CFHR4: variants seen among roughly 807,000 people sequenced by gnomAD.
CFHR4 encodes complement factor H-related protein 4.
CFHR4 carries 64 observed loss-of-function variants against 69.3 expected under a neutral mutation model. The ratio of observed to expected loss-of-function variants is 0.92; its 90% CI spans 0.76 to 1.14. The LOEUF is 1.14. Among genes scored for constraint, CFHR4 ranks in the 50% most tolerant of loss-of-function variants. The pLI is 0.00. For missense variants in CFHR4, 636 were observed against 684.9 expected, an observed-to-expected ratio of 0.93 and a Z score of 0.80; for synonymous variants, 244 against 237.0, an observed-to-expected ratio of 1.03 and a Z score of -0.27.
At chr1:196,908,487 A>C (rs1446044869) in intron 5 of CFHR4, among the ~76,000 whole-genome samples, 1 of 151,348 alleles carries the variant, frequency 6.6e-6, no homozygotes, top group African/African-American at 2.4e-5. Context: ...TCCAAATGCC[A>C]ATGCTTTCTG....
intron 1 of CFHR4, among the ~76,000 whole-genome samples, chr1:196,894,553 T>C: frequency 6.6e-6 from 1 of 151,514 alleles, no homozygotes; most frequent in East Asian, 1.9e-4. Flanking sequence ...TCCTTCACTT[T>C]TGAAGGACAC....
chr1:196,908,274 T>C (rs1658024501), intron 5 of CFHR4, among the ~76,000 whole-genome samples: 1 of 151,374 alleles, frequency 6.6e-6, no homozygotes, highest in Admixed American at 6.6e-5. Flanking sequence ...AAACTGCATG[T>C]CCTGCACATG....
Position 196,918,102 on chromosome 1 carries a change from G to T in CFHR4, c.1541-108G>T, listed in dbSNP as rs552301944. The T allele has an allele frequency of 4.1e-5, 48 of 1,168,678 alleles. 1 individual carries two copies. The African/African-American group carries it at 7.1e-4, about 17-fold the overall frequency. The allele number at this position is 1,168,678 out of a possible 1,614,324, so 72.4% of individuals were successfully genotyped here. On this transcript the variant is annotated intron_variant, in intron 9 of 9. Coordinates refer to ENST00000608469, the MANE Select transcript of CFHR4 (RefSeq NM_001201550.3). ...ACAAATTAATAACTATTAACTATTT[G>T]GATTATTTTATAATTTTATTTTATC...
chr1:196,892,158 C>G (rs750291076), intron 1 of CFHR4, among the ~76,000 whole-genome samples: 8 of 151,422 alleles, frequency 5.3e-5, no homozygotes, highest in Non-Finnish European at 8.8e-5. Context: ...GCCGAAGAGA[C>G]CATACTACGT....
rs80010185 is a variant in CFHR4 at position 196,918,350 on chromosome 1, C to A, written c.1681C>A (p.Leu561Ile). The change falls in exon 10 of 10, where the codon CTA becomes ATA. Residue 561 changes from leucine (L) to isoleucine (I), a missense_variant. Around this residue, in one of 3 missense-constraint regions of CFHR4, gnomAD observed 85 missense variants for 79.0 expected, o/e 1.08. Coordinates refer to ENST00000608469, the MANE Select transcript of CFHR4 (RefSeq NM_001201550.3). The stretch of plus-strand genomic sequence containing the variant: ...GGGATATAATGCGAATACATCAGTT[C>A]TATCATTTCAAGCAGTGTGTAGGGA... ...KLGYNANTSV[L>I]SFQAVCREGI... 3.1e-4 allele frequency: 494 copies of A among 1,612,114 alleles called. 19 individuals are homozygous for A. In the African/African-American group the frequency reaches 5.8e-3, roughly 19 times the overall value.
Position 196,918,217 on chromosome 1 carries a change from T to A in CFHR4, c.1548T>A (p.Cys516Ter), listed in dbSNP as rs773482727. ...TTCTTTTTCTGCTTTCAGATCCATG[T>A]ATAATAACTGAAGAAAACATGAATA... The part of the protein sequence containing the change: ...WSEPPRCIHP[C>*]IITEENMNKN... Residue 516 changes from cysteine (C) to a stop codon, truncating the protein, a stop_gained, in exon 10 of 10, where the codon TGT (cysteine) becomes TGA (stop). Coordinates refer to ENST00000608469, the MANE Select transcript of CFHR4 (RefSeq NM_001201550.3). LOFTEE classifies it low-confidence loss of function (END_TRUNC). 1 of 1,603,498 alleles carries A rather than the reference T, an allele frequency of 6.2e-7. No individual in the cohort carries two copies. Among genetic ancestry groups the A allele is most frequent in the African/African-American group, 1.3e-5 (1 of 74,108 alleles).
Position 196,892,476 on chromosome 1 carries a change from A to G in CFHR4, c.58+4268A>G, listed in dbSNP as rs906437698. Among the ~76,000 whole-genome samples the G allele has an allele frequency of 5.9e-5, 9 of 151,364 alleles. No homozygotes were observed. The South Asian group carries it at 1.9e-3, about 31-fold the overall frequency. On this transcript the variant is annotated intron_variant, in intron 1 of 9. Transcript: ENST00000608469. ...GTGAAAGGGAACACCACAAATGCAG[A>G]AGTTCAGTTAATTTTGAGAGAGGTA...
rs2124981160 is a variant in CFHR4, at chr1:196,917,389, T to C, written c.1541-821T>C. 1.3e-5 allele frequency among the ~76,000 whole-genome samples: 2 copies of C among 151,922 alleles called. 1 individual carries two copies. Among genetic ancestry groups the C allele is most frequent in the South Asian group, 4.2e-4 (2 of 4,810 alleles). On this transcript the variant is annotated intron_variant, in intron 9 of 9. Coordinates refer to ENST00000608469, the MANE Select transcript of CFHR4 (RefSeq NM_001201550.3). Reference sequence around the variant, plus strand: ...CACACATTTACCTATGGAACAAACCTGCACATCCTGCACATGTACCCTGGA... The same window carrying C: ...CACACATTTACCTATGGAACAAACCCGCACATCCTGCACATGTACCCTGGA...
intron 3 of CFHR4, among the ~76,000 whole-genome samples, chr1:196,905,953 A>G (rs902039127): frequency 2.0e-5 from 3 of 151,608 alleles, no homozygotes; most frequent in Non-Finnish European, 4.4e-5. Context: ...AGATTGCATA[A>G]TGAACAATGG....
intron 3 of CFHR4, among the ~76,000 whole-genome samples, chr1:196,906,084 C>A (rs1365279407): frequency 6.6e-6 from 1 of 151,322 alleles, no homozygotes; most frequent in Non-Finnish European, 1.5e-5. Flanking sequence ...AATTTACATA[C>A]TGCAAAATCC....
At chr1:196,903,173 G>C (rs915548215) in intron 2 of CFHR4, among the ~76,000 whole-genome samples, 2 of 151,324 alleles carry the variant, frequency 1.3e-5, no homozygotes, top group Non-Finnish European at 2.9e-5. Context: ...CAGTATGTCC[G>C]TAACTGTCTA....
At chr1:196,908,693 A>G (rs1341104305) in intron 5 of CFHR4, among the ~76,000 whole-genome samples, 1 of 151,488 alleles carries the variant, frequency 6.6e-6, no homozygotes, top group Non-Finnish European at 1.5e-5. Flanking sequence ...TTTGCCACAA[A>G]TTTCTACTAG....
intron 9 of CFHR4, among the ~76,000 whole-genome samples, chr1:196,917,758 T>C (rs755460724): frequency 2.6e-5 from 4 of 151,634 alleles, no homozygotes; most frequent in Admixed American, 1.3e-4. Flanking sequence ...TTTTCTACAC[T>C]GTGGGCATAA....
chr1:196,903,145 T>G (rs188316491), intron 2 of CFHR4, among the ~76,000 whole-genome samples: 1 of 151,498 alleles, frequency 6.6e-6, no homozygotes, highest in Admixed American at 6.6e-5. Flanking sequence ...TGTCAGTTAG[T>G]GCACTCATTT....
intron 2 of CFHR4, among the ~76,000 whole-genome samples, chr1:196,903,231 G>C (rs184898189): frequency 6.6e-6 from 1 of 151,258 alleles, no homozygotes; most frequent in Non-Finnish European, 1.5e-5. Flanking sequence ...CTCTGAAGCC[G>C]AATTTATGTC....
At chr1:196,897,573 C>T (rs1657369146) in intron 1 of CFHR4, among the ~76,000 whole-genome samples, 1 of 151,172 alleles carries the variant, frequency 6.6e-6, no homozygotes, top group South Asian at 2.1e-4. Flanking sequence ...ATAGGGAGCC[C>T]GAAGTGGGGG....
Position 196,907,294 on chromosome 1 carries a change from A to T in CFHR4, c.617-22A>T, listed in dbSNP as rs200259127. 617 of 1,591,496 alleles carry T rather than the reference A, an allele frequency of 3.9e-4. 13 individuals carry two copies. The Middle Eastern group carries it at 8.7e-3, about 22-fold the overall frequency. ...CCAATAAAACTGTTGATTTTTCCCC[A>T]ATGTAAAGTATTTTTTTTCAGATTC... is the stretch of plus-strand genomic sequence containing the variant. On this transcript the variant is annotated intron_variant, in intron 4 of 9. Coordinates refer to ENST00000608469, the MANE Select transcript of CFHR4 (RefSeq NM_001201550.3).
At chr1:196,891,663 A>G (rs1558235068) in intron 1 of CFHR4, among the ~76,000 whole-genome samples, 1 of 151,064 alleles carries the variant, frequency 6.6e-6, no homozygotes, top group Non-Finnish European at 1.5e-5. Flanking sequence ...AATAGAACGT[A>G]AATATTAATT....
rs374828332 is a variant in CFHR4, at chr1:196,893,307, T to C, written c.58+5099T>C. On this transcript the variant is annotated intron_variant, in intron 1 of 9. Coordinates refer to ENST00000608469, the MANE Select transcript of CFHR4 (RefSeq NM_001201550.3). ...GCAAGTTAGCTTTTGATGAGGACTG[T>C]CACAGTCAGTGAAGCAGGTAACAGT... is the stretch of plus-strand genomic sequence containing the variant. Among the ~76,000 whole-genome samples the C allele has an allele frequency of 2.0e-5, 3 of 151,708 alleles. No homozygotes were observed. The East Asian group carries it at 5.8e-4, about 29-fold the overall frequency.
Sources: allele counts gnomAD v4.1 joint callset (sites outside exome capture counted in the v4.1 genomes callset), GRCh38; gene constraint gnomAD v4.1.1; regional missense constraint gnomAD v4.1.1; transcripts MANE v1.5; gene names NCBI Gene and HGNC (gene_info 2026-07-23, HGNC 2026-07-21).